ERBB4: variants seen among roughly 807,000 people sequenced by gnomAD.
ERBB4 encodes receptor tyrosine-protein kinase erbB-4.
ERBB4 carries 42 observed loss-of-function variants against 158.0 expected under a neutral mutation model. The observed-to-expected ratio is 0.27, with a 90% confidence interval of 0.21 to 0.34. The LOEUF is 0.34. Ranked by LOEUF, ERBB4 falls within the 10% of genes least tolerant of loss-of-function variation. The pLI, the probability that ERBB4 is intolerant of heterozygous loss-of-function variation, is 1.00. For missense variants in ERBB4, 1,333 were observed against 1,624.1 expected, an observed-to-expected ratio of 0.82 and a Z score of 3.08; for synonymous variants, 583 against 558.7, an observed-to-expected ratio of 1.04 and a Z score of -0.61.
chr2:212,062,300 G>A (rs925607709), intron 2 of ERBB4, among the ~76,000 whole-genome samples: 11 of 150,598 alleles, frequency 7.3e-5, no homozygotes, highest in South Asian at 4.2e-4. Flanking sequence ...AACTTGAAGT[G>A]AGACTAAATA....
intron 20 of ERBB4, among the ~76,000 whole-genome samples, chr2:211,463,348 T>G (rs925825034): frequency 6.6e-6 from 1 of 152,322 alleles, no homozygotes; most frequent in South Asian, 2.1e-4. Flanking sequence ...AATATTGCTA[T>G]GTGGATTGCA....
intron 1 of ERBB4, among the ~76,000 whole-genome samples, chr2:212,209,929 C>T (rs536304658): frequency 3.3e-5 from 5 of 152,148 alleles, no homozygotes; most frequent in Non-Finnish European, 7.4e-5. Flanking sequence ...TTCCTTGTCA[C>T]TTGCTTGACT....
intron 14 of ERBB4, among the ~76,000 whole-genome samples, chr2:211,669,996 GA>G (rs1174046433): frequency 6.6e-6 from 1 of 152,118 alleles, no homozygotes; most frequent in Non-Finnish European, 1.5e-5. Flanking sequence ...TGTCATTGGG[GA>G]AATATTCATA....
At chr2:212,155,476 T>C (rs1314007867) in intron 1 of ERBB4, among the ~76,000 whole-genome samples, 1 of 152,064 alleles carries the variant, frequency 6.6e-6, no homozygotes, top group Non-Finnish European at 1.5e-5. Context: ...GTTTAAAATA[T>C]ATATTCTCTG....
At chr2:211,901,827 T>G (rs2079242574) in intron 3 of ERBB4, among the ~76,000 whole-genome samples, 1 of 152,134 alleles carries the variant, frequency 6.6e-6, no homozygotes, top group South Asian at 2.1e-4. Context: ...CCCATGAGCA[T>G]TATTTGTAGA....
intron 2 of ERBB4, among the ~76,000 whole-genome samples, chr2:212,114,379 A>G (rs2079511320): frequency 6.6e-6 from 1 of 152,188 alleles, no homozygotes. Context: ...AGAGTCAGAA[A>G]GAGCTGAATA....
At chr2:211,983,534 GA>G (rs2125236461) in intron 2 of ERBB4, among the ~76,000 whole-genome samples, 1 of 152,238 alleles carries the variant, frequency 6.6e-6, no homozygotes, top group Admixed American at 6.5e-5. Context: ...GTACTCCCAT[GA>G]TTTATCCAGC....
At chr2:212,537,624 G>A (rs890980255) in intron 1 of ERBB4, among the ~76,000 whole-genome samples, 3 of 152,132 alleles carry the variant, frequency 2.0e-5, no homozygotes, top group African/African-American at 7.2e-5. Context: ...GCCTGGCCGG[G>A]CAGTAAACAG....
At chr2:211,871,319 C>T (rs141717444) in intron 3 of ERBB4, among the ~76,000 whole-genome samples, 1,685 of 152,180 alleles carry the variant, frequency 0.011, 21 homozygotes, top group Non-Finnish European at 0.015. Flanking sequence ...GGCAACATAG[C>T]AAAATCTATT....
At chr2:212,073,639 G>A (rs1222432359) in intron 2 of ERBB4, among the ~76,000 whole-genome samples, 1 of 151,984 alleles carries the variant, frequency 6.6e-6, no homozygotes, top group East Asian at 1.9e-4. Context: ...TCTTGATGCA[G>A]TGCACACAGG....
chr2:212,340,492 C>T (rs2088655593), intron 1 of ERBB4, among the ~76,000 whole-genome samples: 1 of 152,170 alleles, frequency 6.6e-6, no homozygotes, highest in Admixed American at 6.5e-5. Flanking sequence ...ACTGCATGGT[C>T]CCATCTGGGG....
At chr2:211,434,121 T>A (rs1004677671) in intron 20 of ERBB4, among the ~76,000 whole-genome samples, 7 of 152,204 alleles carry the variant, frequency 4.6e-5, no homozygotes, top group African/African-American at 1.7e-4. Context: ...TGGATAATGA[T>A]CCCTTGAACC....
chr2:212,024,073 C>G (rs1264698908), intron 2 of ERBB4, among the ~76,000 whole-genome samples: 1 of 151,818 alleles, frequency 6.6e-6, no homozygotes, highest in Non-Finnish European at 1.5e-5. Context: ...CTTCCCTTCT[C>G]TCCCCTTTTC....
chr2:211,978,978 A>T (rs915804730), intron 2 of ERBB4, among the ~76,000 whole-genome samples: 5 of 152,196 alleles, frequency 3.3e-5, no homozygotes, highest in Admixed American at 3.3e-4. Flanking sequence ...ATATGGAAAA[A>T]GTGAAACAAA....
At position 212,003,198 on chromosome 2, in the gene ERBB4, A is replaced by AAAGAAAGAAAGAAAGAAAGG. The variant is rs1559293620; in HGVS notation, c.235-55583_235-55582insCCTTTCTTTCTTTCTTTCTT. Among the ~76,000 whole-genome samples, 189 of 58,738 alleles carry AAAGAAAGAAAGAAAGAAAGG rather than the reference A, an allele frequency of 3.2e-3. 7 individuals are homozygous for AAAGAAAGAAAGAAAGAAAGG. Among genetic ancestry groups the AAAGAAAGAAAGAAAGAAAGG allele is most frequent in the East Asian group, 0.019 (33 of 1,752 alleles). The allele number at this position is 58,738 out of a possible 152,430, so 38.5% of individuals were successfully genotyped here. The stretch of plus-strand genomic sequence containing the variant: ...GAAAGAAAGAAAGAAAGAAAGAAAG[A>AAAGAAAGAAAGAAAGAAAGG]AAGAAAGACAGAAAGAAGGAAGGAA... On this transcript the variant is annotated intron_variant, in intron 2 of 27. Transcript: ENST00000342788.
At chr2:212,115,432 A>G (rs1341998511) in intron 2 of ERBB4, among the ~76,000 whole-genome samples, 2 of 152,180 alleles carry the variant, frequency 1.3e-5, no homozygotes, top group African/African-American at 4.8e-5. Flanking sequence ...TGAAGAAAAA[A>G]AGGTATTGAT....
intron 5 of ERBB4, among the ~76,000 whole-genome samples, chr2:211,737,792 GTTA>G (rs879310077): frequency 2.0e-5 from 3 of 152,102 alleles, no homozygotes; most frequent in Non-Finnish European, 4.4e-5. Context: ...ATGAATGGTA[GTTA>G]TTATCTCGCT....
intron 1 of ERBB4, among the ~76,000 whole-genome samples, chr2:212,376,944 A>T (rs1467821453): frequency 2.0e-5 from 3 of 151,888 alleles, no homozygotes; most frequent in Non-Finnish European, 2.9e-5. Context: ...TCTTTATTTC[A>T]TTGTCTTTAT....
intron 2 of ERBB4, among the ~76,000 whole-genome samples, chr2:212,122,722 A>T (rs982831081): frequency 6.6e-6 from 1 of 151,954 alleles, no homozygotes; most frequent in South Asian, 2.1e-4. Context: ...ATATGGACTA[A>T]AGTCTATTTT....
Sources: allele counts gnomAD v4.1 joint callset (sites outside exome capture counted in the v4.1 genomes callset), GRCh38; gene constraint gnomAD v4.1.1; transcripts MANE v1.5; gene names NCBI Gene and HGNC (gene_info 2026-07-23, HGNC 2026-07-21).